CPNE4: variants seen among roughly 807,000 people sequenced by gnomAD.
CPNE4 encodes the protein copine-4.
CPNE4 carries 25 observed loss-of-function variants against 67.9 expected under a neutral mutation model. The observed-to-expected ratio is 0.37, with a 90% CI of 0.27 to 0.51. The LOEUF (loss-of-function observed/expected upper bound fraction) is 0.51. Ranked by LOEUF, CPNE4 falls within the 20% of genes least tolerant of loss-of-function variation. CPNE4 has a pLI of 0.93. For missense variants in CPNE4, 464 were observed against 690.8 expected, an observed-to-expected ratio of 0.67 and a Z score of 3.68; for synonymous variants, 242 against 244.9, an observed-to-expected ratio of 0.99 and a Z score of 0.11.
chr3:131,694,099 C>T (rs898304172), intron 5 of CPNE4, among the ~76,000 whole-genome samples: 1 of 152,100 alleles, frequency 6.6e-6, no homozygotes, highest in African/African-American at 2.4e-5. Flanking sequence ...CTACAACCAC[C>T]GTCTGAATTG....
chr3:131,797,418 A>G (rs1335695397), intron 2 of CPNE4, among the ~76,000 whole-genome samples: 1 of 152,136 alleles, frequency 6.6e-6, no homozygotes, highest in Non-Finnish European at 1.5e-5. Flanking sequence ...TAACCAGTTC[A>G]TTTTGTCACA....
chr3:131,906,772 A>T (rs2088785136), intron 1 of CPNE4, among the ~76,000 whole-genome samples: 1 of 151,844 alleles, frequency 6.6e-6, no homozygotes, highest in South Asian at 2.1e-4. Flanking sequence ...ATACCCAGTA[A>T]TGGGATGGCT....
chr3:131,612,052 A>C lies in CPNE4; in HGVS notation c.682-24470T>G, dbSNP rs369977299. On this transcript the variant is annotated intron_variant, in intron 7 of 15. Coordinates refer to ENST00000429747, the MANE Select transcript of CPNE4 (RefSeq NM_130808.3). ...CAGGTTTTGTGTGACCAAAAGGAAG[A>C]CTAAGATAACTGTCATAATTCATTC... Among the ~76,000 whole-genome samples, 17 of 152,278 alleles carry C rather than the reference A, an allele frequency of 1.1e-4. 1 individual carries two copies. In the South Asian group the frequency reaches 3.5e-3, roughly 32 times the overall value.
At chr3:131,811,639 T>C (rs7634981) in intron 2 of CPNE4, among the ~76,000 whole-genome samples, 89,011 of 151,946 alleles carry the variant, frequency 0.59, 26,244 homozygotes, top group Middle Eastern at 0.67. Flanking sequence ...TTCAAATTAG[T>C]CCTTATATAA....
chr3:131,761,780 G>A (rs535914603), intron 2 of CPNE4, among the ~76,000 whole-genome samples: 1 of 152,170 alleles, frequency 6.6e-6, no homozygotes, highest in Non-Finnish European at 1.5e-5. Flanking sequence ...CAATAACAGT[G>A]TGAAGAAAAA....
chr3:131,925,135 TTC>T (rs986046919), intron 1 of CPNE4, among the ~76,000 whole-genome samples: 6 of 146,636 alleles, frequency 4.1e-5, no homozygotes, highest in African/African-American at 1.0e-4. Context: ...CTCTCTCTGA[TTC>T]TCTCTCTCTT....
chr3:131,723,053 A>C (rs1583083059), intron 3 of CPNE4, among the ~76,000 whole-genome samples: 1 of 152,254 alleles, frequency 6.6e-6, no homozygotes, highest in Admixed American at 6.5e-5. Flanking sequence ...AATGTGAATG[A>C]GAAATACTTG....
intron 3 of CPNE4, among the ~76,000 whole-genome samples, chr3:131,721,198 C>G (rs1156878282): frequency 6.6e-6 from 1 of 152,018 alleles, no homozygotes; most frequent in Non-Finnish European, 1.5e-5. Context: ...TTTGGCTCAC[C>G]ACAGTGTCAC....
intron 2 of CPNE4, among the ~76,000 whole-genome samples, chr3:131,879,046 C>A (rs955993630): frequency 2.6e-5 from 4 of 152,192 alleles, no homozygotes; most frequent in African/African-American, 9.6e-5. Context: ...GCATTGATAT[C>A]GTGCGTCTGT....
At chr3:132,008,792 T>C (rs913188515) in intron 1 of CPNE4, among the ~76,000 whole-genome samples, 4 of 152,182 alleles carry the variant, frequency 2.6e-5, no homozygotes, top group African/African-American at 4.8e-5. Flanking sequence ...ATATTCATTA[T>C]CAATACATCA....
chr3:131,587,395 G>A (rs967682119), intron 8 of CPNE4, 89 bp downstream of exon 8: 9 of 817,528 alleles, frequency 1.1e-5, no homozygotes, highest in Middle Eastern at 2.3e-4. Context: ...ATACATTGAT[G>A]TTTTGCCTCT....
intron 1 of CPNE4, among the ~76,000 whole-genome samples, chr3:132,024,436 T>C (rs1260719413): frequency 6.6e-6 from 1 of 152,106 alleles, no homozygotes; most frequent in Non-Finnish European, 1.5e-5. Flanking sequence ...GATCAAAAGT[T>C]TGAGCACCTA....
intron 12 of CPNE4, among the ~76,000 whole-genome samples, chr3:131,553,494 C>T (rs1251128832): frequency 1.3e-5 from 2 of 152,062 alleles, no homozygotes; most frequent in African/African-American, 4.8e-5. Flanking sequence ...CAGTAATTAA[C>T]AGGAGGTGAT....
intron 1 of CPNE4, among the ~76,000 whole-genome samples, chr3:131,982,473 T>A (rs868437553): frequency 6.6e-6 from 1 of 152,224 alleles, no homozygotes; most frequent in Non-Finnish European, 1.5e-5. Flanking sequence ...ACTGAAGCCA[T>A]ATAAAAGCAG....
At chr3:131,829,341 T>C (rs2085284544) in intron 2 of CPNE4, among the ~76,000 whole-genome samples, 1 of 152,208 alleles carries the variant, frequency 6.6e-6, no homozygotes. Flanking sequence ...TGAGAACTTA[T>C]ATAGAATATC....
At chr3:131,542,347 C>A (rs535512592) in intron 15 of CPNE4, among the ~76,000 whole-genome samples, 2 of 152,184 alleles carry the variant, frequency 1.3e-5, no homozygotes, top group South Asian at 2.1e-4. Context: ...TCCAAAGAGT[C>A]ATGCTCTATA....
At chr3:131,775,058 T>C (rs1349887606) in intron 2 of CPNE4, among the ~76,000 whole-genome samples, 1 of 152,054 alleles carries the variant, frequency 6.6e-6, no homozygotes. Flanking sequence ...ATTTCTTCTT[T>C]CTTACCTAGA....
rs12635474 is a variant in CPNE4, at chr3:131,772,075, C to A, written c.181-48450G>T. Among the ~76,000 whole-genome samples the A allele has an allele frequency of 9.8e-3, 1,494 of 152,124 alleles. 62 individuals are homozygous for A. The East Asian group carries it at 0.11, about 11-fold the overall frequency. On this transcript the variant is annotated intron_variant, in intron 2 of 15. Transcript: ENST00000429747. ...AACGGAGTGAGGCTACAGTGAAGTT[C>A]GTGGAGGGAGATGTCCCAGGAGGTT...
At chr3:131,668,936 T>C (rs1195405107) in intron 7 of CPNE4, among the ~76,000 whole-genome samples, 3 of 152,084 alleles carry the variant, frequency 2.0e-5, no homozygotes, top group Admixed American at 1.3e-4. Flanking sequence ...AGAGATGTAG[T>C]CTATCTCCTT....
Sources: gnomAD v4.1 joint callset for allele counts (sites outside exome capture counted in the v4.1 genomes callset) on GRCh38, gnomAD v4.1.1 for gene constraint, MANE v1.5 for transcripts, NCBI Gene and HGNC (gene_info 2026-07-23, HGNC 2026-07-21) for gene names.